The following BEND5 variants were observed in gnomAD, a reference collection of about 807,000 sequenced individuals.
The protein encoded by BEND5 is BEN domain containing 5.
BEND5 carries 22 observed loss-of-function variants against 43.9 expected under a neutral mutation model. The observed-to-expected ratio is 0.50, with a 90% CI of 0.36 to 0.72. The LOEUF is 0.72. Among genes scored for constraint, BEND5 ranks in the 30% least tolerant of loss-of-function variants. BEND5 has a pLI of 0.00. For synonymous variants in BEND5, 228 were observed against 225.9 expected, an observed-to-expected ratio of 1.01 and a Z score of -0.08; for missense variants, 428 against 550.6, an observed-to-expected ratio of 0.78 and a Z score of 2.23.
At chr1:48,745,027 G>A (rs1650520201) in intron 3 of BEND5, among the ~76,000 whole-genome samples, 1 of 152,164 alleles carries the variant, frequency 6.6e-6, no homozygotes, top group African/African-American at 2.4e-5. Flanking sequence ...ACTACTTTTA[G>A]CAAATTATGT....
At chr1:48,773,933 A>C (rs1644955683) in intron 1 of BEND5, among the ~76,000 whole-genome samples, 1 of 152,226 alleles carries the variant, frequency 6.6e-6, no homozygotes, top group African/African-American at 2.4e-5. Flanking sequence ...CTGGGATTGT[A>C]ATTTGATAAG....
chr1:48,743,077 C>T (rs1372030926), intron 3 of BEND5, among the ~76,000 whole-genome samples: 12 of 152,140 alleles, frequency 7.9e-5, no homozygotes, highest in Admixed American at 1.3e-4. Flanking sequence ...GAAAGAGGTT[C>T]TGTTACGCCT....
chr1:48,762,271 T>C (rs188731126), intron 1 of BEND5, among the ~76,000 whole-genome samples: 2 of 152,344 alleles, frequency 1.3e-5, no homozygotes, highest in East Asian at 3.9e-4. Context: ...GGATATTATT[T>C]CTACTCATTT....
chr1:48,759,509 C>G, intron 2 of BEND5: 2 of 887,064 alleles, frequency 2.3e-6, no homozygotes, highest in East Asian at 2.9e-5. Context: ...TGCCCAAAGT[C>G]ATAACCAGGA....
At chr1:48,763,349 T>C (rs1381656357) in intron 1 of BEND5, among the ~76,000 whole-genome samples, 1 of 152,158 alleles carries the variant, frequency 6.6e-6, no homozygotes, top group Non-Finnish European at 1.5e-5. Context: ...GACTCAGGGT[T>C]TTCTAAAAGA....
intron 1 of BEND5, 46 bp downstream of exon 1, chr1:48,776,560 C>A (rs1409338857): frequency 1.5e-6 from 2 of 1,336,724 alleles, no homozygotes; most frequent in Non-Finnish European, 9.7e-7. Context: ...CCCGGGGTCC[C>A]AGCCCCCGCC....
chr1:48,736,532 T>C lies in BEND5; in HGVS notation c.895-80A>G. 7.4e-6 allele frequency: 9 copies of C among 1,208,538 alleles called. No individual in the cohort carries two copies. Among genetic ancestry groups the C allele is most frequent in the South Asian group, 5.1e-5 (4 of 77,778 alleles). 74.9% of individuals were successfully genotyped at this position (1,208,538 alleles called of 1,614,324 possible). ...GGCTTCTCTTGTCCTTTAAAAAGCA[T>C]TGCTGCACAACTGTAAGAGATTCAT... On this transcript the variant is annotated intron_variant, in intron 4 of 5. Coordinates refer to ENST00000371833, the MANE Select transcript of BEND5 (RefSeq NM_024603.4). The surrounding 1 kb of genome is among the most constrained non-coding windows in gnomAD (Gnocchi z 4.0).
chr1:48,733,496 A>G (rs538305645), intron 5 of BEND5, among the ~76,000 whole-genome samples: 1 of 152,302 alleles, frequency 6.6e-6, no homozygotes, highest in African/African-American at 2.4e-5. Context: ...CATATTTGGA[A>G]AAAGTAAAAA....
At chr1:48,776,226 G>A (rs972734679) in intron 1 of BEND5, among the ~76,000 whole-genome samples, 3 of 151,994 alleles carry the variant, frequency 2.0e-5, no homozygotes, top group Admixed American at 1.3e-4. Context: ...ACAGAGGGAA[G>A]GAACTGGGAG....
chr1:48,763,666 C>T (rs928640262), intron 1 of BEND5, among the ~76,000 whole-genome samples: 26 of 152,168 alleles, frequency 1.7e-4, no homozygotes, highest in African/African-American at 5.6e-4. Flanking sequence ...TGCCTTCCTG[C>T]GCTGAAACTC....
At chr1:48,752,312 G>C (rs1349363171) in intron 3 of BEND5, among the ~76,000 whole-genome samples, 1 of 152,188 alleles carries the variant, frequency 6.6e-6, no homozygotes, top group Admixed American at 6.5e-5. Flanking sequence ...CTGGCAAAGA[G>C]AAGACTGAGC....
chr1:48,729,430 C>A (rs1647739005), intron 5 of BEND5, among the ~76,000 whole-genome samples: 1 of 152,084 alleles, frequency 6.6e-6, no homozygotes. Context: ...TGAGTTTTCT[C>A]AACTAAATAG....
intron 4 of BEND5, among the ~76,000 whole-genome samples, chr1:48,737,170 G>C (rs1385010013): frequency 2.0e-5 from 3 of 152,188 alleles, no homozygotes; most frequent in African/African-American, 4.8e-5. Context: ...TGTAGTCCCA[G>C]CTGCTTGGGA....
intron 5 of BEND5, among the ~76,000 whole-genome samples, chr1:48,732,291 TAAC>T (rs1648267907): frequency 6.6e-6 from 1 of 152,134 alleles, no homozygotes; most frequent in Non-Finnish European, 1.5e-5. Flanking sequence ...TGTGAAGAGA[TAAC>T]CAGTGGGCAC....
intron 3 of BEND5, among the ~76,000 whole-genome samples, chr1:48,758,564 GAAACC>G (rs1408125281): frequency 1.3e-5 from 2 of 152,178 alleles, no homozygotes; most frequent in Non-Finnish European, 2.9e-5. Flanking sequence ...TTACTATCCT[GAAACC>G]TCCTTGGAGA....
intron 4 of BEND5, among the ~76,000 whole-genome samples, chr1:48,740,867 C>A (rs1649811672): frequency 6.6e-6 from 1 of 152,192 alleles, no homozygotes; most frequent in Non-Finnish European, 1.5e-5. Context: ...TTCCTTTCCT[C>A]TGCATTTAAA....
intron 5 of BEND5, among the ~76,000 whole-genome samples, chr1:48,732,466 AAAATTAAC>A (rs1342241386): frequency 6.6e-6 from 1 of 151,870 alleles, no homozygotes; most frequent in Non-Finnish European, 1.5e-5. Flanking sequence ...GAGAAGAAAG[AAAATTAAC>A]AAGTAAAAAA....
intron 4 of BEND5, among the ~76,000 whole-genome samples, chr1:48,739,809 T>A (rs530771039): frequency 6.6e-5 from 10 of 152,380 alleles, no homozygotes; most frequent in Non-Finnish European, 1.3e-4. Context: ...ATAAATGTTT[T>A]CCCTACGTTT....
intron 4 of BEND5, among the ~76,000 whole-genome samples, chr1:48,739,384 C>T (rs942950094): frequency 2.0e-5 from 3 of 152,208 alleles, no homozygotes; most frequent in African/African-American, 7.2e-5. Flanking sequence ...CACATTTAAT[C>T]CAACTTCCTC....
Sources: gnomAD v4.1 joint callset for allele counts (sites outside exome capture counted in the v4.1 genomes callset) on GRCh38, gnomAD v4.1.1 for gene constraint, Gnocchi (gnomAD v3.1) non-coding constraint, MANE v1.5 for transcripts, NCBI Gene and HGNC (gene_info 2026-07-23, HGNC 2026-07-21) for gene names.